The following MSH5 variants were observed in gnomAD, a reference collection of about 807,000 sequenced individuals.
The protein encoded by MSH5 is mutS homolog 5.
A neutral mutation model predicts 107.7 loss-of-function variants in MSH5; 78 were observed. That is an observed-to-expected ratio of 0.72 (90% CI 0.60 to 0.87). The LOEUF is 0.87. Among genes scored for constraint, MSH5 ranks in the 40% least tolerant of loss-of-function variants. The pLI, the probability that MSH5 is intolerant of heterozygous loss-of-function variation, is 0.00. For synonymous variants in MSH5, 326 were observed against 399.5 expected (o/e 0.82, Z 2.19); for missense variants, 889 against 1,046.6 (o/e 0.85, Z 2.08).
At chr6:31,746,415 G>T (rs1213424622) in intron 9 of MSH5, 11 of 151,154 alleles carry the variant, frequency 7.3e-5, no homozygotes, top group African/African-American at 2.7e-4. Flanking sequence ...TTTTACATAT[G>T]TGTGTTGGGC....
At position 31,744,544 on chromosome 6, in the gene MSH5, A is replaced by T; in HGVS notation, c.648-2A>T. The T allele has an allele frequency of 6.2e-7, 1 of 1,613,452 alleles. No individual in the cohort carries two copies. The highest frequency in any genetic ancestry group is 8.5e-7 in the Non-Finnish European group (1 of 1,180,026). Reference sequence around the variant, plus strand: ...TCCTGCTTTTTTGTTTTCTGTCCTCAGGACTCATCTGGTGAACATAGATCA... The same window carrying T: ...TCCTGCTTTTTTGTTTTCTGTCCTCTGGACTCATCTGGTGAACATAGATCA... On this transcript the variant is annotated splice_acceptor_variant, in intron 7 of 24. Transcript: ENST00000375750. LOFTEE classifies it high-confidence loss of function.
rs1287658045 is a variant in MSH5 at position 31,743,854 on chromosome 6, G to C, written c.416-50G>C. ...TATTGTCTCATTCTTAAAATGGGGT[G>C]AAAAAATTGAGCTACAAGACCGTTC... On this transcript the variant is annotated intron_variant, in intron 5 of 24. Coordinates refer to ENST00000375750, the MANE Select transcript of MSH5 (RefSeq NM_172166.4). The C allele has an allele frequency of 9.4e-6, 15 of 1,594,824 alleles. No homozygotes were observed. In the East Asian group the frequency reaches 3.4e-4, roughly 36 times the overall value.
Position 31,758,280 on chromosome 6 carries a change from T to C in MSH5, c.1130T>C (p.Leu377Pro), listed in dbSNP as rs1309652288. The C allele has an allele frequency of 1.2e-6, 2 of 1,612,744 alleles. No homozygotes were observed. Among genetic ancestry groups the C allele is most frequent in the Non-Finnish European group, 1.7e-6 (2 of 1,179,996 alleles). Residue 377 changes from leucine (L) to proline (P), a missense_variant, in exon 13 of 25, where the codon CTC (leucine) becomes CCC (proline). This residue lies in a region of MSH5 where 518 missense variants were observed against 565.0 expected (regional missense o/e 0.92). Coordinates refer to ENST00000375750, the MANE Select transcript of MSH5 (RefSeq NM_172166.4). The surrounding 1 kb of genome is among the most constrained non-coding windows in gnomAD (Gnocchi z 5.1). Reference sequence around the variant, plus strand: ...GATGACCTGCACCATATCGCCAGCCTCATTGGGAAAGTAGTGAGTAGAAGG... The same window carrying C: ...GATGACCTGCACCATATCGCCAGCCCCATTGGGAAAGTAGTGAGTAGAAGG... ...FSDDLHHIAS[L>P]IGKVVDFEGS...
chr6:31,760,575 A>T lies in MSH5; in HGVS notation c.1813-115A>T, dbSNP rs1186422131. 2.2e-6 allele frequency: 3 copies of T among 1,350,434 alleles called. No individual in the cohort carries two copies. Among genetic ancestry groups the T allele is most frequent in the Non-Finnish European group, 3.2e-6 (3 of 948,984 alleles). 83.7% of individuals were successfully genotyped at this position (1,350,434 alleles called of 1,614,324 possible). A position where few individuals can be genotyped will look rare whatever the true frequency, so the allele number is the denominator to read the frequency against. ...GACAGAGTCAGTGTGTCTGTTACCT[A>T]TTTCTCCTGTTTCACCCTGTCCATT... On this transcript the variant is annotated intron_variant, in intron 19 of 24. Transcript: ENST00000375750. This position sits in a 1 kb window ranked among gnomAD's most constrained non-coding sequence, Gnocchi z 5.6.
rs867550767 is a variant in MSH5 at position 31,743,303 on chromosome 6, G to A, written c.415+133G>A. 1.9e-5 allele frequency: 17 copies of A among 905,380 alleles called. 1 individual carries two copies. The Middle Eastern group carries it at 2.0e-3, about 104-fold the overall frequency. 56.1% of individuals were successfully genotyped at this position (905,380 alleles called of 1,614,324 possible). On this transcript the variant is annotated intron_variant, in intron 5 of 24. Coordinates refer to ENST00000375750, the MANE Select transcript of MSH5 (RefSeq NM_172166.4). ...AACCTTTGTGCTCCTCATGCCCTATGACCTGTCCCCCCAAGATCTCTCCTG... is the reference window on the plus strand; with the variant it reads ...AACCTTTGTGCTCCTCATGCCCTATAACCTGTCCCCCCAAGATCTCTCCTG...
In MSH5 at chr6:31,758,417, C is replaced by T; in HGVS notation, c.1143+124C>T. ...TAAAGAATGGGATGGTGGGAGGAGG[C>T]AGCAGAACTTCAGGGAAGTATCTGG... On this transcript the variant is annotated intron_variant, in intron 13 of 24. Transcript: ENST00000375750. The surrounding 1 kb of genome is among the most constrained non-coding windows in gnomAD (Gnocchi z 5.1). 5 of 1,551,186 alleles carry T rather than the reference C, an allele frequency of 3.2e-6. No homozygotes were observed. Among genetic ancestry groups the T allele is most frequent in the Non-Finnish European group, 4.4e-6 (5 of 1,131,096 alleles).
chr6:31,754,656 C>T (rs898414023), intron 12 of MSH5, among the ~76,000 whole-genome samples: 1 of 152,100 alleles, frequency 6.6e-6, no homozygotes, highest in South Asian at 2.1e-4. Context: ...GGACTATAAG[C>T]CTGAGATGCT....
rs751245950 is a variant in MSH5 at position 31,758,344 on chromosome 6, T to G, written c.1143+51T>G. 2.5e-6 allele frequency: 4 copies of G among 1,605,846 alleles called. No homozygotes were observed. The African/African-American group carries it at 5.4e-5, about 21-fold the overall frequency. On this transcript the variant is annotated intron_variant, in intron 13 of 24. Transcript: ENST00000375750. The surrounding 1 kb of genome is among the most constrained non-coding windows in gnomAD (Gnocchi z 5.1). ...ACCCAGGGAGGTCAGGGAGAGAGAA[T>G]GCAGTGTGCAAGATGGGGAAACATG...
rs1209913246 is a variant in MSH5 at position 31,760,092 on chromosome 6, A to G, written c.1688A>G (p.His563Arg). Reference protein sequence around the residue: ...VLGVRIQNGRHPLMELCARTF... With the variant: ...VLGVRIQNGRRPLMELCARTF... ...AGGTGCCTCTCCGCCCACTGCAGACATCCTCTGATGGAACTCTGTGCCCGA... is the reference window on the plus strand; with the variant it reads ...AGGTGCCTCTCCGCCCACTGCAGACGTCCTCTGATGGAACTCTGTGCCCGA... The change falls in exon 19 of 25, where the codon CAT becomes CGT. Residue 563 changes from histidine to arginine, a missense_variant and splice_region_variant. Physicochemically the swap from His to Arg is conservative, Grantham distance 29 (BLOSUM62 0). Coordinates refer to ENST00000375750, the MANE Select transcript of MSH5 (RefSeq NM_172166.4). The surrounding 1 kb of genome is among the most constrained non-coding windows in gnomAD (Gnocchi z 5.6). 1 of 1,602,318 alleles carries G rather than the reference A, an allele frequency of 6.2e-7. No individual in the cohort carries two copies. Among genetic ancestry groups the G allele is most frequent in the Non-Finnish European group, 8.5e-7 (1 of 1,173,530 alleles).
In MSH5 at chr6:31,760,625, T is replaced by C. The variant is rs1810904295; in HGVS notation, c.1813-65T>C. 1 of 1,599,472 alleles carries C rather than the reference T, an allele frequency of 6.3e-7. No individual in the cohort carries two copies. The highest frequency in any genetic ancestry group is 8.6e-7 in the Non-Finnish European group (1 of 1,169,324). ...TTCTCTTTGATGTGCCATTCATGCC[T>C]TGAGCCTCACTTTCACCTCAGCCCA... On this transcript the variant is annotated intron_variant, in intron 19 of 24. Coordinates refer to ENST00000375750, the MANE Select transcript of MSH5 (RefSeq NM_172166.4). The surrounding 1 kb of genome is among the most constrained non-coding windows in gnomAD (Gnocchi z 5.6).
In MSH5 at chr6:31,758,321, C is replaced by T. The variant is rs1431882018; in HGVS notation, c.1143+28C>T. 2 of 1,610,146 alleles carry T rather than the reference C, an allele frequency of 1.2e-6. No individual in the cohort carries two copies. The highest frequency in any genetic ancestry group is 1.7e-6 in the Non-Finnish European group (2 of 1,178,316). On this transcript the variant is annotated intron_variant, in intron 13 of 24. Transcript: ENST00000375750. The surrounding 1 kb of genome is among the most constrained non-coding windows in gnomAD (Gnocchi z 5.1). ...GAGTAGAAGGAAAAAGGGAGTGCAC[C>T]CAGGGAGGTCAGGGAGAGAGAATGC...
At position 31,743,100 on chromosome 6, in the gene MSH5, C is replaced by T. The variant is rs370416238; in HGVS notation, c.353-8C>T. 1.8e-5 allele frequency: 29 copies of T among 1,612,946 alleles called. No homozygotes were observed. Among genetic ancestry groups the T allele is most frequent in the Middle Eastern group, 1.7e-4 (1 of 6,060 alleles). On this transcript the variant is annotated splice_region_variant and splice_polypyrimidine_tract_variant and intron_variant, in intron 4 of 24. Transcript: ENST00000375750. ...AAGAATGATAGCCTTTTCTTTCCTCCCCCACAGCCTCCCAGGAGCACAGAG... is the reference window on the plus strand; with the variant it reads ...AAGAATGATAGCCTTTTCTTTCCTCTCCCACAGCCTCCCAGGAGCACAGAG...
At chr6:31,744,486 G>A (rs1431851327) in intron 7 of MSH5, 60 bp from the exon 8 acceptor site, 2 of 1,591,742 alleles carry the variant, frequency 1.3e-6, no homozygotes, top group African/African-American at 1.3e-5. Context: ...GGGGGACAAA[G>A]GAAGTGGAGT....
At position 31,740,023 on chromosome 6, in the gene MSH5, G is replaced by C. The variant is rs918415996; in HGVS notation, c.-53G>C. The C allele has an allele frequency of 6.5e-6, 1 of 154,080 alleles. No homozygotes were observed. The highest frequency in any genetic ancestry group is 1.4e-5 in the Non-Finnish European group (1 of 69,256). 9.5% of individuals were successfully genotyped at this position (154,080 alleles called of 1,614,324 possible). On this transcript the variant is annotated 5_prime_UTR_variant, in exon 1 of 25. Coordinates refer to ENST00000375750, the MANE Select transcript of MSH5 (RefSeq NM_172166.4). This position sits in a 1 kb window ranked among gnomAD's most constrained non-coding sequence, Gnocchi z 4.4. ...CGCGCTCCTTTTGCAGGCTCGTGGCGGTCGGTCAGCGGGGCGTTCTCCCAC... is the reference window on the plus strand; with the variant it reads ...CGCGCTCCTTTTGCAGGCTCGTGGCCGTCGGTCAGCGGGGCGTTCTCCCAC...
Position 31,745,899 on chromosome 6 carries a change from C to T in MSH5, c.766+580C>T, listed in dbSNP as rs371180482. On this transcript the variant is annotated intron_variant, in intron 9 of 24. Coordinates refer to ENST00000375750, the MANE Select transcript of MSH5 (RefSeq NM_172166.4). ...TCTGCTGCCTCAGCCTCCTGAGTAG[C>T]TAGGACTACAGGTGCCCACCACGAT... Among the ~76,000 whole-genome samples the T allele has an allele frequency of 3.3e-4, 50 of 151,206 alleles. 1 individual carries two copies. The highest frequency in any genetic ancestry group is 2.5e-3 in the East Asian group (13 of 5,116).
intron 10 of MSH5, among the ~76,000 whole-genome samples, chr6:31,752,669 G>A (rs1300903128): frequency 8.0e-5 from 12 of 149,700 alleles, no homozygotes; most frequent in Non-Finnish European, 1.5e-4. Context: ...GCAGTGAGCC[G>A]AGATCGCATC....
chr6:31,750,071 C>A (rs149591487), intron 10 of MSH5, among the ~76,000 whole-genome samples: 8 of 152,232 alleles, frequency 5.3e-5, no homozygotes, highest in Non-Finnish European at 7.4e-5. Flanking sequence ...GGAGAGAATT[C>A]TCAGTGGAGA....
In MSH5 at chr6:31,759,131, C is replaced by T. The variant is rs1810732500; in HGVS notation, c.1361C>T (p.Ser454Phe). ...GFLLSIPRLP[S>F]MVEASDFEIN... ...CTTCTTTCTATTCCCCGCCTGCCTT[C>T]CATGGTAGAGGCCAGTGACTTTGAG... Residue 454 changes from serine to phenylalanine, a missense_variant, in exon 16 of 25, where the codon TCC becomes TTC. Around this residue, in one of 3 missense-constraint regions of MSH5, gnomAD observed 9 missense variants for 25.4 expected, o/e 0.35. Coordinates refer to ENST00000375750, the MANE Select transcript of MSH5 (RefSeq NM_172166.4). This position sits in a 1 kb window ranked among gnomAD's most constrained non-coding sequence, Gnocchi z 4.7. 6.2e-7 allele frequency: 1 copy of T among 1,612,848 alleles called. No homozygotes were observed. Among genetic ancestry groups the T allele is most frequent in the Non-Finnish European group, 8.5e-7 (1 of 1,180,016 alleles).
At chr6:31,748,639 G>T (rs1809683100) in intron 10 of MSH5, among the ~76,000 whole-genome samples, 1 of 151,940 alleles carries the variant, frequency 6.6e-6, no homozygotes, top group Non-Finnish European at 1.5e-5. Context: ...ACTGCGCCTG[G>T]CCGTCACTCC....
Sources: gnomAD v4.1 joint callset for allele counts (sites outside exome capture counted in the v4.1 genomes callset) on GRCh38, gnomAD v4.1.1 for gene constraint, gnomAD v4.1.1 regional missense constraint, Gnocchi (gnomAD v3.1) non-coding constraint, MANE v1.5 for transcripts, NCBI Gene and HGNC (gene_info 2026-07-23, HGNC 2026-07-21) for gene names.